Variants in ZSCAN25 observed in about 807,000 individuals in gnomAD.
ZSCAN25 encodes the protein zinc finger and SCAN domain-containing protein 25.
A neutral mutation model predicts 38.7 loss-of-function variants in ZSCAN25; 27 were observed. The observed-to-expected ratio is 0.70, with a 90% CI of 0.51 to 0.96. The LOEUF (loss-of-function observed/expected upper bound fraction) is 0.96. ZSCAN25 is among the 40% of genes least tolerant of loss of function. The pLI, the probability that ZSCAN25 is intolerant of heterozygous loss-of-function variation, is 0.00. For missense variants in ZSCAN25, 637 were observed against 705.9 expected, an observed-to-expected ratio of 0.90 and a Z score of 1.11; for synonymous variants, 273 against 277.7, an observed-to-expected ratio of 0.98 and a Z score of 0.17.
chr7:99,731,887 A>G, the ZSCAN25 span, among the ~76,000 whole-genome samples: 1 of 152,128 alleles, frequency 6.6e-6, no homozygotes, highest in Non-Finnish European at 1.5e-5. Flanking sequence ...ATTGGGGAGG[A>G]TGATTGACTC....
At chr7:99,722,282 TCCAGAATACTCA>T in the ZSCAN25 span, 4 of 1,613,568 alleles carry the variant, frequency 2.5e-6, no homozygotes, top group Non-Finnish European at 3.4e-6. Context: ...AATGGAATCT[TCCAGAATACTCA>T]CCCCCAGACT....
At chr7:99,730,794 A>G in the ZSCAN25 span, 7 of 438,454 alleles carry the variant, frequency 1.6e-5, no homozygotes, top group Admixed American at 3.4e-5. Context: ...TATGGTGCTC[A>G]CAAAGTCTGC....
chr7:99,705,355 G>A, the ZSCAN25 span: 5 of 884,864 alleles, frequency 5.7e-6, no homozygotes, highest in Non-Finnish European at 3.6e-6. Flanking sequence ...AGAGCACAAT[G>A]CACGTACAGA....
chr7:99,708,065 C>G, the ZSCAN25 span: 3 of 1,564,600 alleles, frequency 1.9e-6, no homozygotes. Flanking sequence ...GCCCACCCCT[C>G]TACTAGCAGT....
At chr7:99,693,577 C>T in the ZSCAN25 span, among the ~76,000 whole-genome samples, 72 of 152,316 alleles carry the variant, frequency 4.7e-4, no homozygotes, top group Middle Eastern at 3.4e-3. Context: ...GCTTCCAGGC[C>T]TCTTTGTTTA....
At chr7:99,672,304 C>T in the ZSCAN25 span, among the ~76,000 whole-genome samples, 1 of 152,224 alleles carries the variant, frequency 6.6e-6, no homozygotes, top group African/African-American at 2.4e-5. Context: ...CCTGCCTCGG[C>T]CTCCCAAAGT....
the ZSCAN25 span, among the ~76,000 whole-genome samples, chr7:99,695,097 C>A: frequency 6.6e-6 from 1 of 152,134 alleles, no homozygotes; most frequent in African/African-American, 2.4e-5. Context: ...AAGGTGCAGC[C>A]TTTGAAATAA....
the ZSCAN25 span, among the ~76,000 whole-genome samples, chr7:99,729,585 C>G: frequency 6.6e-6 from 1 of 152,192 alleles, no homozygotes; most frequent in Non-Finnish European, 1.5e-5. Context: ...AGAAATGAAA[C>G]AGCCAGCTCC....
At chr7:99,713,464 G>A in the ZSCAN25 span, 1 of 1,613,292 alleles carries the variant, frequency 6.2e-7, no homozygotes. Flanking sequence ...GCACTCTTTT[G>A]TTACCTTTGT....
chr7:99,620,110 C>T (rs1806821454), intron 4 of ZSCAN25, 117 bp downstream of exon 4: 6 of 1,377,126 alleles, frequency 4.4e-6, no homozygotes, highest in Non-Finnish European at 4.8e-6. Flanking sequence ...CCTCCTCTGC[C>T]CTCAGACTCC....
chr7:99,685,989 C>G, the ZSCAN25 span, among the ~76,000 whole-genome samples: 3 of 152,290 alleles, frequency 2.0e-5, no homozygotes, highest in African/African-American at 4.8e-5. Context: ...CTTCCCACAT[C>G]AATACACTTT....
At chr7:99,689,537 C>T in the ZSCAN25 span, among the ~76,000 whole-genome samples, 1 of 152,026 alleles carries the variant, frequency 6.6e-6, no homozygotes, top group Admixed American at 6.6e-5. Context: ...AGCTTACCAA[C>T]CAAAAAAGTC....
chr7:99,629,352 G>A lies in ZSCAN25; in HGVS notation c.967G>A (p.Gly323Arg). 1 of 1,614,152 alleles carries A rather than the reference G, an allele frequency of 6.2e-7. No individual in the cohort carries two copies. Residue 323 changes from glycine to arginine, a missense_variant, in exon 8 of 8, where the codon GGG becomes AGG. By Grantham distance (125) the Gly-to-Arg change is moderately radical. Coordinates refer to ENST00000394152, the MANE Select transcript of ZSCAN25 (RefSeq NM_145115.3). This position sits in a 1 kb window ranked among gnomAD's most constrained non-coding sequence, Gnocchi z 5.6. ...TGGTGGCCCTGCAGGCAGTGCGCCT[G>A]GGCTTCCTCCTCCCCAGCACGGTGC... is the stretch of plus-strand genomic sequence containing the variant. The part of the protein sequence containing the change: ...EPGGPAGSAP[G>R]LPPPQHGAIP...
chr7:99,664,032 G>A, the ZSCAN25 span: 2 of 1,599,906 alleles, frequency 1.3e-6, no homozygotes, highest in Non-Finnish European at 1.7e-6. Context: ...AAAATTTATG[G>A]TATCTTTTGG....
the ZSCAN25 span, among the ~76,000 whole-genome samples, chr7:99,728,609 A>G: frequency 1.3e-5 from 2 of 152,156 alleles, no homozygotes; most frequent in East Asian, 1.9e-4. Context: ...ACATATGTCT[A>G]TCTGCTAATT....
the ZSCAN25 span, among the ~76,000 whole-genome samples, chr7:99,683,481 A>C: frequency 6.6e-6 from 1 of 152,242 alleles, no homozygotes; most frequent in African/African-American, 2.4e-5. Context: ...ATCTAATTTC[A>C]TAGGATTCCT....
chr7:99,695,822 T>C, the ZSCAN25 span: 4 of 1,613,616 alleles, frequency 2.5e-6, no homozygotes. Context: ...AAAAAGTCCA[T>C]GTGAATGGGC....
At chr7:99,702,528 G>T in the ZSCAN25 span, among the ~76,000 whole-genome samples, 1 of 152,158 alleles carries the variant, frequency 6.6e-6, no homozygotes, top group South Asian at 2.1e-4. Context: ...GTATGTTCTT[G>T]AAAACATTGT....
chr7:99,671,637 T>C, the ZSCAN25 span: 6 of 571,262 alleles, frequency 1.1e-5, no homozygotes, highest in African/African-American at 5.6e-5. Flanking sequence ...ACTATATAAC[T>C]CTTAGAAAAA....
Sources: allele counts gnomAD v4.1 joint callset (sites outside exome capture counted in the v4.1 genomes callset), GRCh38; gene constraint gnomAD v4.1.1; non-coding constraint Gnocchi (gnomAD v3.1); transcripts MANE v1.5; gene names NCBI Gene and HGNC (gene_info 2026-07-23, HGNC 2026-07-21).